The following RAVER2 variants were observed in gnomAD, a reference collection of about 807,000 sequenced individuals.
RAVER2 encodes the protein ribonucleoprotein PTB-binding 2.
A neutral mutation model predicts 78.1 loss-of-function variants in RAVER2; 46 were observed. That is an observed-to-expected ratio of 0.59 (90% CI 0.46 to 0.75). The LOEUF is 0.75. RAVER2 is among the 30% of genes least tolerant of loss of function. The probability of loss-of-function intolerance (pLI) is 0.00; values close to 1 mark genes in which losing one functional copy is unlikely to be tolerated. For synonymous variants in RAVER2, 311 were observed against 313.3 expected (o/e 0.99, Z 0.08); for missense variants, 793 against 837.5 (o/e 0.95, Z 0.66).
At chr1:64,775,220 T>C (rs927465234) in intron 2 of RAVER2, among the ~76,000 whole-genome samples, 9 of 152,182 alleles carry the variant, frequency 5.9e-5, no homozygotes, top group East Asian at 1.9e-4. Flanking sequence ...TATGAAGATA[T>C]ATGTGGCACT....
intron 2 of RAVER2, among the ~76,000 whole-genome samples, chr1:64,772,375 T>A (rs1232665611): frequency 6.6e-6 from 1 of 152,128 alleles, no homozygotes; most frequent in Non-Finnish European, 1.5e-5. Flanking sequence ...TTTCAGTTTT[T>A]AAATTATTAG....
chr1:64,747,543 G>A (rs1027930298), intron 1 of RAVER2, among the ~76,000 whole-genome samples: 1 of 147,616 alleles, frequency 6.8e-6, no homozygotes, highest in South Asian at 2.1e-4. Flanking sequence ...ACAGAGTCTC[G>A]CTCTGTCATC....
chr1:64,779,188 A>G (rs1652558651), intron 3 of RAVER2, among the ~76,000 whole-genome samples: 1 of 151,936 alleles, frequency 6.6e-6, no homozygotes, highest in South Asian at 2.1e-4. Flanking sequence ...ATATGTTGTT[A>G]TTAACTGTAG....
intron 1 of RAVER2, among the ~76,000 whole-genome samples, chr1:64,759,744 C>T (rs1255240972): frequency 6.6e-6 from 1 of 152,116 alleles, no homozygotes; most frequent in Non-Finnish European, 1.5e-5. Context: ...TCTCGATCTC[C>T]TGACCGCATG....
chr1:64,826,952 T>G (rs1253253778), intron 11 of RAVER2, among the ~76,000 whole-genome samples: 1 of 152,084 alleles, frequency 6.6e-6, no homozygotes, highest in Non-Finnish European at 1.5e-5. Flanking sequence ...GGTAAGACTG[T>G]GTGGGTGGAG....
rs776954017 is a variant in RAVER2 at position 64,807,435 on chromosome 1, G to A, written c.1641G>A (p.Gln547=). 1.1e-5 allele frequency: 17 copies of A among 1,614,088 alleles called. No individual in the cohort carries two copies. In the South Asian group the frequency reaches 1.9e-4, roughly 18 times the overall value. Reference sequence around the variant, plus strand: ...GCTTGCTGGTGGGACACCATAAGCAGCAGCAAAGCCAGCCAAAAGGCACAG... The same window carrying A: ...GCTTGCTGGTGGGACACCATAAGCAACAGCAAAGCCAGCCAAAAGGCACAG... The change falls in exon 9 of 12, where the codon CAG becomes CAA. Residue 547 remains glutamine (Q), a synonymous_variant. Transcript: ENST00000294428.
At chr1:64,805,042 G>A in exon 8 of RAVER2, 1 of 1,614,018 alleles carries the variant, frequency 6.2e-7, no homozygotes, top group Non-Finnish European at 8.5e-7. Context: ...GACTGCACTA[G>A]GGATAGGGTC....
At chr1:64,798,069 C>T (rs1653148132) in intron 5 of RAVER2, among the ~76,000 whole-genome samples, 1 of 112,160 alleles carries the variant, frequency 8.9e-6, no homozygotes, top group Non-Finnish European at 1.8e-5. Context: ...GCTATCCCTC[C>T]CCCCTCCCCC....
chr1:64,822,297 C>CA (rs1220760787), intron 11 of RAVER2, among the ~76,000 whole-genome samples: 1 of 152,104 alleles, frequency 6.6e-6, no homozygotes, highest in East Asian at 1.9e-4. Context: ...CAAAAACAAA[C>CA]AAAGTACGAG....
At chr1:64,789,466 T>A in exon 5 of RAVER2, 1 of 1,609,862 alleles carries the variant, frequency 6.2e-7, no homozygotes, top group Non-Finnish European at 8.5e-7. Flanking sequence ...CCCTGCCATG[T>A]TGCAAGTTCT....
At chr1:64,829,020 T>A (rs914960) in intron 11 of RAVER2, among the ~76,000 whole-genome samples, 30,907 of 152,166 alleles carry the variant, frequency 0.2, 3,548 homozygotes, top group East Asian at 0.33. Context: ...TTTCCTGTTC[T>A]AATATTTTCC....
At chr1:64,779,269 A>C (rs1570548118) in intron 3 of RAVER2, among the ~76,000 whole-genome samples, 1 of 152,064 alleles carries the variant, frequency 6.6e-6, no homozygotes, top group Non-Finnish European at 1.5e-5. Context: ...TCTTTTGACC[A>C]TATCTCCACA....
intron 5 of RAVER2, among the ~76,000 whole-genome samples, 163 bp from the exon 6 acceptor site, chr1:64,802,813 G>A (rs1265510418): frequency 6.6e-6 from 1 of 152,152 alleles, no homozygotes; most frequent in Non-Finnish European, 1.5e-5. Flanking sequence ...TCAGGGAAAG[G>A]TACCTATCAC....
intron 5 of RAVER2, 55 bp from the exon 6 acceptor site, chr1:64,802,921 T>A (rs975866834): frequency 1.6e-6 from 2 of 1,288,108 alleles, no homozygotes; most frequent in South Asian, 2.7e-5. Context: ...GCTTGGTTTT[T>A]AAAAATTTTT....
chr1:64,745,537 TGGTGAGAG>T lies in RAVER2; in HGVS notation c.249+117_249+124del. On this transcript the variant is annotated intron_variant, in intron 1 of 11. Transcript: ENST00000294428. The surrounding 1 kb of genome is among the most constrained non-coding windows in gnomAD (Gnocchi z 4.3). Reference sequence around the variant, plus strand: ...TCCTGGGGAGTGGGTCGGCGCCGAGTGGTGAGAGCGGCCCCTCGGTTTGACTGAGTTCT... The same window carrying T: ...TCCTGGGGAGTGGGTCGGCGCCGAGTCGGCCCCTCGGTTTGACTGAGTTCT... 1 of 1,261,194 alleles carries T rather than the reference TGGTGAGAG, an allele frequency of 7.9e-7. No individual in the cohort carries two copies. The allele number at this position is 1,261,194 out of a possible 1,614,324, so 78.1% of individuals were successfully genotyped here.
chr1:64,799,889 C>CT (rs1310173676), intron 5 of RAVER2, among the ~76,000 whole-genome samples: 3 of 152,056 alleles, frequency 2.0e-5, no homozygotes, highest in African/African-American at 7.2e-5. Flanking sequence ...AGAGAGTTCC[C>CT]TTTTTTCCGC....
At chr1:64,825,088 A>G (rs535804650) in intron 11 of RAVER2, among the ~76,000 whole-genome samples, 1 of 152,290 alleles carries the variant, frequency 6.6e-6, no homozygotes, top group Non-Finnish European at 1.5e-5. Flanking sequence ...AACATTTGTT[A>G]TGTATATATA....
chr1:64,823,597 T>G (rs868444249), intron 11 of RAVER2, among the ~76,000 whole-genome samples: 41 of 152,196 alleles, frequency 2.7e-4, no homozygotes, highest in Admixed American at 3.9e-4. Context: ...GAGAAGCTTT[T>G]GAGCCCATTT....
chr1:64,751,062 A>G lies in RAVER2; in HGVS notation c.249+5641A>G, dbSNP rs1280019246. 6.6e-5 allele frequency among the ~76,000 whole-genome samples: 10 copies of G among 152,244 alleles called. No homozygotes were observed. The South Asian group carries it at 2.1e-3, about 31-fold the overall frequency. ...AAACACATTCAAGAAGAGGAGGAAT[A>G]CTTTGTGGTTAGCATCAAAATGCTG... On this transcript the variant is annotated intron_variant, in intron 1 of 11. Coordinates refer to ENST00000294428, the Ensembl canonical transcript of RAVER2.
Sources: gnomAD v4.1 joint callset for allele counts (sites outside exome capture counted in the v4.1 genomes callset) on GRCh38, gnomAD v4.1.1 for gene constraint, Gnocchi (gnomAD v3.1) non-coding constraint, MANE v1.5 for transcripts, NCBI Gene and HGNC (gene_info 2026-07-23, HGNC 2026-07-21) for gene names.